The following CHRNA7 variants were observed in gnomAD, a reference collection of about 807,000 sequenced individuals.
The protein encoded by CHRNA7 is cholinergic receptor nicotinic alpha 7 subunit.
In CHRNA7, 17 loss-of-function variants were observed where a neutral mutation model predicts 48.0. That is an observed-to-expected ratio of 0.35 (90% CI 0.24 to 0.53). The LOEUF is 0.53. Ranked by LOEUF, CHRNA7 falls within the 20% of genes least tolerant of loss-of-function variation. The pLI is 0.92. For missense variants in CHRNA7, 155 were observed against 577.7 expected, an observed-to-expected ratio of 0.27 and a Z score of 7.50; for synonymous variants, 75 against 242.3, an observed-to-expected ratio of 0.31 and a Z score of 6.41.
chr15:32,146,562 G>A (rs901812885), intron 4 of CHRNA7, among the ~76,000 whole-genome samples: 5 of 152,094 alleles, frequency 3.3e-5, no homozygotes, highest in African/African-American at 4.8e-5. Context: ...AAGATCTATC[G>A]AAGTATCAAA....
chr15:32,130,808 C>G (rs1401632985), intron 4 of CHRNA7, among the ~76,000 whole-genome samples: 1 of 151,792 alleles, frequency 6.6e-6, no homozygotes, highest in Non-Finnish European at 1.5e-5. Flanking sequence ...TTTTTTCTCT[C>G]TTTCAAGAAC....
At chr15:32,098,469 C>A (rs28452053) in intron 2 of CHRNA7, among the ~76,000 whole-genome samples, 119,509 of 152,024 alleles carry the variant, frequency 0.79, 47,288 homozygotes, top group East Asian at 0.93. Flanking sequence ...GGAAAGGGGT[C>A]AGTCAAGAGC....
chr15:32,143,903 A>AT (rs1447836590), intron 4 of CHRNA7, among the ~76,000 whole-genome samples: 3 of 152,180 alleles, frequency 2.0e-5, no homozygotes, highest in Non-Finnish European at 2.9e-5. Flanking sequence ...TAATTGGGGC[A>AT]TTTAGCCCAT....
rs184717837 is a variant in CHRNA7 at position 32,133,871 on chromosome 15, A to C, written c.351-20036A>C. Among the ~76,000 whole-genome samples the C allele has an allele frequency of 1.4e-3, 216 of 152,290 alleles. No individual in the cohort carries two copies. The Middle Eastern group carries it at 0.017, about 12-fold the overall frequency. On this transcript the variant is annotated intron_variant, in intron 4 of 9. Transcript: ENST00000306901. ...GTCCCCCTCCGGCCAGGTCCACAGG[A>C]TCTCCATAGACACGGTAGCAACACA... is the stretch of plus-strand genomic sequence containing the variant.
chr15:32,095,746 A>G (rs1284750813), intron 2 of CHRNA7, among the ~76,000 whole-genome samples: 1 of 152,258 alleles, frequency 6.6e-6, no homozygotes, highest in Non-Finnish European at 1.5e-5. Context: ...AAAGCATTTC[A>G]GAAACCCAGG....
At chr15:32,044,544 G>T (rs2049506299) in intron 2 of CHRNA7, among the ~76,000 whole-genome samples, 1 of 152,140 alleles carries the variant, frequency 6.6e-6, no homozygotes, top group Non-Finnish European at 1.5e-5. Context: ...CCAAAGTGCT[G>T]GGATTACAGG....
intron 2 of CHRNA7, among the ~76,000 whole-genome samples, chr15:32,038,316 C>T (rs2049388046): frequency 6.6e-6 from 1 of 151,570 alleles, no homozygotes; most frequent in African/African-American, 2.4e-5. Context: ...AAGTTCTCCC[C>T]TATTCCGTTT....
chr15:32,083,297 C>G (rs1283621781), intron 2 of CHRNA7, among the ~76,000 whole-genome samples: 1 of 152,172 alleles, frequency 6.6e-6, no homozygotes, highest in Non-Finnish European at 1.5e-5. Flanking sequence ...CCCTCTTGCT[C>G]TCTCTCGAGT....
At chr15:32,153,196 G>A (rs1276205624) in intron 4 of CHRNA7, among the ~76,000 whole-genome samples, 1 of 152,058 alleles carries the variant, frequency 6.6e-6, no homozygotes, top group Non-Finnish European at 1.5e-5. Flanking sequence ...TGAGGCGGGT[G>A]GATCACAAGG....
At chr15:32,129,877 C>G (rs181519672) in intron 4 of CHRNA7, among the ~76,000 whole-genome samples, 1 of 151,948 alleles carries the variant, frequency 6.6e-6, no homozygotes. Context: ...GCACTACCAG[C>G]ATGTCATACA....
At chr15:32,069,221 A>C (rs2050015285) in intron 2 of CHRNA7, among the ~76,000 whole-genome samples, 1 of 152,258 alleles carries the variant, frequency 6.6e-6, no homozygotes, top group African/African-American at 2.4e-5. Context: ...ATATTTCCTA[A>C]GGGTCAAGTA....
intron 4 of CHRNA7, among the ~76,000 whole-genome samples, chr15:32,115,617 A>G (rs1218817956): frequency 6.6e-6 from 1 of 151,928 alleles, no homozygotes; most frequent in East Asian, 1.9e-4. Context: ...CCCACCCCTT[A>G]ACTCCCAGTT....
chr15:32,036,774 GT>G (rs36093665), intron 2 of CHRNA7, among the ~76,000 whole-genome samples: 115,770 of 134,348 alleles, frequency 0.86, 50,003 homozygotes, highest in South Asian at 0.93. Flanking sequence ...TTTTCAGTGG[GT>G]TTTTTTTTTT....
At chr15:32,115,097 CA>C (rs1302473668) in intron 4 of CHRNA7, among the ~76,000 whole-genome samples, 1 of 152,182 alleles carries the variant, frequency 6.6e-6, no homozygotes, top group Non-Finnish European at 1.5e-5. Flanking sequence ...GAGGGTCCCG[CA>C]ACAGCCCTTC....
At chr15:32,058,431 T>G (rs924387486) in intron 2 of CHRNA7, among the ~76,000 whole-genome samples, 1 of 152,124 alleles carries the variant, frequency 6.6e-6, no homozygotes, top group African/African-American at 2.4e-5. Context: ...TCCGGGGGTG[T>G]TTTGCAACAG....
chr15:32,099,081 T>G (rs1408274577), intron 2 of CHRNA7: 1 of 152,252 alleles, frequency 6.6e-6, no homozygotes, highest in Non-Finnish European at 1.5e-5. Flanking sequence ...ATTCTTGACT[T>G]GATCCTTTGG....
chr15:32,089,605 G>GT lies in CHRNA7; in HGVS notation c.196-11695dup, dbSNP rs535247530. ...TGTTACCCAACTGCTTTTGCATGTT[G>GT]TTTATTTTTCCTTTAGCACCTTTAG... On this transcript the variant is annotated intron_variant, in intron 2 of 9. Transcript: ENST00000306901. Among the ~76,000 whole-genome samples, 299 of 152,174 alleles carry GT rather than the reference G, an allele frequency of 2.0e-3. 1 individual carries two copies. Among genetic ancestry groups the GT allele is most frequent in the African/African-American group, 6.6e-3 (275 of 41,534 alleles).
At chr15:32,096,179 T>C (rs2050465501) in intron 2 of CHRNA7, among the ~76,000 whole-genome samples, 1 of 152,256 alleles carries the variant, frequency 6.6e-6, no homozygotes, top group Admixed American at 6.5e-5. Flanking sequence ...CCAAAATGCG[T>C]TGTTTGCGTG....
chr15:32,087,183 C>T (rs1285952548), intron 2 of CHRNA7, among the ~76,000 whole-genome samples: 1 of 152,148 alleles, frequency 6.6e-6, no homozygotes, highest in Non-Finnish European at 1.5e-5. Context: ...AGTGTGGACT[C>T]AGCAGTATTT....
Sources: gnomAD v4.1 joint callset for allele counts (sites outside exome capture counted in the v4.1 genomes callset) on GRCh38, gnomAD v4.1.1 for gene constraint, MANE v1.5 for transcripts, NCBI Gene and HGNC (gene_info 2026-07-23, HGNC 2026-07-21) for gene names.